The following AVEN variants were observed in gnomAD, a reference collection of about 807,000 sequenced individuals.
AVEN encodes the protein cell death regulator Aven.
In AVEN, 41 loss-of-function variants were observed where a neutral mutation model predicts 38.1. The ratio of observed to expected loss-of-function variants is 1.08; its 90% CI spans 0.84 to 1.40. AVEN has a LOEUF of 1.40. Ranked by LOEUF, AVEN falls within the 40% of genes most tolerant of loss-of-function variation. The pLI is 0.00. For synonymous variants in AVEN, 206 were observed against 171.8 expected (o/e 1.20, Z -1.56); for missense variants, 605 against 438.8 (o/e 1.38, Z -3.38).
the AVEN span, chr15:33,853,721 A>G: frequency 1.3e-6 from 2 of 1,598,742 alleles, no homozygotes; most frequent in East Asian, 2.2e-5. Flanking sequence ...AAGCAGCTAA[A>G]ATAGATAGAT....
chr15:33,860,230 T>G (rs2080194375), intron 11 of AVEN, among the ~76,000 whole-genome samples: 1 of 152,210 alleles, frequency 6.6e-6, no homozygotes, highest in South Asian at 2.1e-4. Context: ...GTGAAGTAAC[T>G]GAGGAGGAAC....
intron 2 of AVEN, among the ~76,000 whole-genome samples, chr15:33,961,394 A>G (rs1056282596): frequency 1.3e-5 from 2 of 152,196 alleles, no homozygotes; most frequent in Admixed American, 1.3e-4. Flanking sequence ...CATAGGAGGA[A>G]TTATTGGCTA....
chr15:34,009,932 A>C (rs1268407662), intron 1 of AVEN, among the ~76,000 whole-genome samples: 1 of 152,236 alleles, frequency 6.6e-6, no homozygotes, highest in African/African-American at 2.4e-5. Flanking sequence ...ACTGTACTCC[A>C]GCCTGGGCAA....
intron 2 of AVEN, among the ~76,000 whole-genome samples, chr15:33,943,068 C>G (rs1487755255): frequency 6.6e-6 from 1 of 152,116 alleles, no homozygotes; most frequent in African/African-American, 2.4e-5. Context: ...TCAAGAAATC[C>G]AAAATAGAGC....
At chr15:33,854,739 TA>T, downstream of AVEN, 1 of 1,582,960 alleles carries the variant, frequency 6.3e-7, no homozygotes, top group South Asian at 1.2e-5. Flanking sequence ...CAAACATGCT[TA>T]AAAGTCTGCT....
At position 34,039,054 on chromosome 15, in the gene AVEN, C is replaced by T; in HGVS notation, c.-8G>A. 2 of 1,101,618 alleles carry T rather than the reference C, an allele frequency of 1.8e-6. No homozygotes were observed. The highest frequency in any genetic ancestry group is 4.2e-5 in the South Asian group (1 of 23,896). The allele number at this position is 1,101,618 out of a possible 1,614,324, so 68.2% of individuals were successfully genotyped here. ...TCCTCGCTCCGCCTGCATCTGGCCG[C>T]CGCTGGCGGTGCTGAGCGCGCGGGA... On this transcript the variant is annotated 5_prime_UTR_variant, in exon 1 of 6. Coordinates refer to ENST00000306730, the MANE Select transcript of AVEN (RefSeq NM_020371.3).
intron 2 of AVEN, among the ~76,000 whole-genome samples, chr15:33,905,229 C>A (rs925377840): frequency 2.4e-4 from 37 of 151,902 alleles, no homozygotes; most frequent in Non-Finnish European, 5.0e-4. Flanking sequence ...CAAAAAAACC[C>A]ACAGGCTTTG....
intron 3 of AVEN, among the ~76,000 whole-genome samples, chr15:33,874,828 T>G (rs1383417893): frequency 6.6e-6 from 1 of 152,242 alleles, no homozygotes; most frequent in Non-Finnish European, 1.5e-5. Context: ...CTTGAAATAT[T>G]CTTTGGTAAT....
chr15:33,978,402 G>A (rs1462386229), intron 2 of AVEN, among the ~76,000 whole-genome samples: 2 of 152,286 alleles, frequency 1.3e-5, no homozygotes, highest in East Asian at 1.9e-4. Context: ...GATGGCTCAC[G>A]CCTGTAATCC....
At chr15:34,048,463 T>A (rs1459756617) in intron 5 of AVEN, among the ~76,000 whole-genome samples, 1 of 149,042 alleles carries the variant, frequency 6.7e-6, no homozygotes, top group East Asian at 2.0e-4. Context: ...AAGTGGGACC[T>A]GGATCCATTC....
At position 33,860,824 on chromosome 15, in the gene AVEN, C is replaced by T. The variant is rs949367524; in HGVS notation, n.2730-1730G>A. On this transcript the variant is annotated intron_variant and non_coding_transcript_variant, in intron 11 of 11. Coordinates refer to the AVEN transcript ENST00000675287. The stretch of plus-strand genomic sequence containing the variant: ...GCACCCTGCCATACCCCTGCCAGGC[C>T]GGCCACTCTGCTGCCTCCTCCACTG... 3.3e-5 allele frequency among the ~76,000 whole-genome samples: 5 copies of T among 151,034 alleles called. No homozygotes were observed. The East Asian group carries it at 5.8e-4, about 17-fold the overall frequency.
chr15:33,975,426 A>C (rs542027673), intron 2 of AVEN, among the ~76,000 whole-genome samples: 1 of 152,224 alleles, frequency 6.6e-6, no homozygotes, highest in Non-Finnish European at 1.5e-5. Context: ...AACATTGATC[A>C]AGCAACTAAG....
intron 2 of AVEN, among the ~76,000 whole-genome samples, chr15:33,912,894 T>G (rs2153045761): frequency 6.6e-6 from 1 of 151,910 alleles, no homozygotes; most frequent in African/African-American, 2.4e-5. Flanking sequence ...CATAATTTTT[T>G]TTTTTTTTTT....
chr15:34,070,893 T>A (rs941253343), intron 1 of AVEN, among the ~76,000 whole-genome samples: 1 of 152,188 alleles, frequency 6.6e-6, no homozygotes, highest in Non-Finnish European at 1.5e-5. Context: ...GGACGGGAGT[T>A]AAAACCTTAA....
downstream of AVEN, chr15:33,865,285 C>T (rs200126350): frequency 0.035 from 42,641 of 1,228,148 alleles, 1,122 homozygotes; most frequent in Non-Finnish European, 0.036. Context: ...AATAAAGTCC[C>T]CTTTTTACAG....
the AVEN span, chr15:33,853,020 C>G: frequency 3.1e-6 from 5 of 1,594,500 alleles, no homozygotes; most frequent in South Asian, 5.7e-5. Context: ...AATGAAGAAC[C>G]AACCTTTTTC....
intron 2 of AVEN, among the ~76,000 whole-genome samples, chr15:34,067,937 G>A (rs917112201): frequency 6.6e-6 from 1 of 152,100 alleles, no homozygotes; most frequent in Non-Finnish European, 1.5e-5. Flanking sequence ...AGAGTGAGCG[G>A]AAGAAGGGAA....
At chr15:34,065,875 T>G (rs964606395) in intron 4 of AVEN, 2 of 152,226 alleles carry the variant, frequency 1.3e-5, no homozygotes, top group African/African-American at 4.8e-5. Context: ...ATCACCAGAC[T>G]TCATGCGTCT....
At chr15:33,954,659 G>T (rs934126571) in intron 2 of AVEN, among the ~76,000 whole-genome samples, 1 of 145,790 alleles carries the variant, frequency 6.9e-6, no homozygotes, top group African/African-American at 2.5e-5. Context: ...TCATGGGGTG[G>T]GGGGAGGGGG....
Sources: allele counts gnomAD v4.1 joint callset (sites outside exome capture counted in the v4.1 genomes callset), GRCh38; gene constraint gnomAD v4.1.1; transcripts MANE v1.5; gene names NCBI Gene and HGNC (gene_info 2026-07-23, HGNC 2026-07-21).